Variants in LAMA2 observed in about 807,000 individuals in gnomAD.
LAMA2 encodes laminin subunit alpha 2, also known as laminin subunit alpha-2.
In LAMA2, 269 loss-of-function variants were observed where a neutral mutation model predicts 364.8. The ratio of observed to expected loss-of-function variants is 0.74; its 90% CI spans 0.67 to 0.82. The LOEUF (loss-of-function observed/expected upper bound fraction) is 0.82. Ranked by LOEUF, LAMA2 falls within the 40% of genes least tolerant of loss-of-function variation. The pLI, the probability that LAMA2 is intolerant of heterozygous loss-of-function variation, is 0.00. For missense variants in LAMA2, 3,807 were observed against 3,873.2 expected, an observed-to-expected ratio of 0.98 and a Z score of 0.45; for synonymous variants, 1,379 against 1,370.6, an observed-to-expected ratio of 1.01 and a Z score of -0.14.
intron 12 of LAMA2, among the ~76,000 whole-genome samples, chr6:129,200,077 CAAAA>C (rs1476642534): frequency 2.8e-5 from 4 of 143,254 alleles, no homozygotes; most frequent in Admixed American, 2.8e-4. Flanking sequence ...AGACCCTCTC[CAAAA>C]ATATATATAT....
At chr6:129,177,618 C>A in intron 9 of LAMA2, 88 bp from the exon 10 acceptor site, 1 of 1,316,002 alleles carries the variant, frequency 7.6e-7, no homozygotes. Flanking sequence ...GTCAAAATAG[C>A]ATTTTAAAGG....
At chr6:129,028,668 G>C (rs954316352) in intron 1 of LAMA2, among the ~76,000 whole-genome samples, 1 of 151,814 alleles carries the variant, frequency 6.6e-6, no homozygotes, top group African/African-American at 2.4e-5. Context: ...GTGAGTGAAT[G>C]AATCTATATA....
At chr6:129,236,998 C>A (rs937211872) in intron 12 of LAMA2, among the ~76,000 whole-genome samples, 6 of 152,184 alleles carry the variant, frequency 3.9e-5, no homozygotes, top group African/African-American at 1.4e-4. Flanking sequence ...TAGTACTAGA[C>A]TGTGAAGGTT....
chr6:129,087,970 A>G (rs554802149), intron 3 of LAMA2, among the ~76,000 whole-genome samples: 2 of 143,870 alleles, frequency 1.4e-5, no homozygotes, highest in East Asian at 4.0e-4. Flanking sequence ...TCACGGGACA[A>G]TAGTGGAGGG....
chr6:129,251,040 T>TTCTCCC (rs1786158402), intron 13 of LAMA2, among the ~76,000 whole-genome samples: 1 of 61,668 alleles, frequency 1.6e-5, no homozygotes, highest in African/African-American at 7.0e-5. Context: ...GTCTCTCTCT[T>TTCTCCC]TCTCTCTCTC....
At chr6:129,099,499 C>G (rs1425713540) in intron 4 of LAMA2, among the ~76,000 whole-genome samples, 1 of 152,096 alleles carries the variant, frequency 6.6e-6, no homozygotes, top group African/African-American at 2.4e-5. Context: ...TGACCCACCT[C>G]CTTTCATGCT....
intron 41 of LAMA2, chr6:129,437,003 A>C (rs1342065688): frequency 1.3e-5 from 2 of 152,108 alleles, no homozygotes; most frequent in Admixed American, 1.3e-4. Flanking sequence ...TGTAACTGTG[A>C]CCAATTTCTT....
At chr6:128,994,238 C>T (rs549661158) in intron 1 of LAMA2, among the ~76,000 whole-genome samples, 2 of 152,264 alleles carry the variant, frequency 1.3e-5, no homozygotes, top group African/African-American at 4.8e-5. Flanking sequence ...TGGGGGTATA[C>T]ATTATTGCAT....
chr6:129,400,712 G>T (rs1456582978), intron 37 of LAMA2, among the ~76,000 whole-genome samples: 7 of 152,184 alleles, frequency 4.6e-5, no homozygotes, highest in Admixed American at 1.3e-4. Flanking sequence ...TCATGAAACA[G>T]TCCATTAGGT....
intron 37 of LAMA2, among the ~76,000 whole-genome samples, chr6:129,396,273 A>C (rs1213024050): frequency 6.6e-6 from 1 of 152,148 alleles, no homozygotes; most frequent in Non-Finnish European, 1.5e-5. Context: ...AGAATTTACA[A>C]CCTCCTGAAA....
At chr6:129,321,044 T>C (rs896683401) in intron 28 of LAMA2, among the ~76,000 whole-genome samples, 10 of 152,220 alleles carry the variant, frequency 6.6e-5, no homozygotes, top group Non-Finnish European at 1.5e-4. Flanking sequence ...ACAAAACTTG[T>C]ACACTAAATA....
chr6:129,363,303 CAG>C (rs1473405908), intron 32 of LAMA2, among the ~76,000 whole-genome samples: 1 of 152,052 alleles, frequency 6.6e-6, no homozygotes, highest in Non-Finnish European at 1.5e-5. Context: ...GACCCTGTCT[CAG>C]AAAAAAATAA....
intron 61 of LAMA2, among the ~76,000 whole-genome samples, chr6:129,506,030 T>A (rs1397330532): frequency 6.6e-6 from 1 of 152,080 alleles, no homozygotes; most frequent in Non-Finnish European, 1.5e-5. Context: ...ACAAAAAGGA[T>A]TGCATAAAGA....
chr6:129,009,343 T>C (rs902040898), intron 1 of LAMA2, among the ~76,000 whole-genome samples: 1 of 152,214 alleles, frequency 6.6e-6, no homozygotes, highest in African/African-American at 2.4e-5. Flanking sequence ...AAACTGAGTT[T>C]TATGACTGTT....
chr6:129,239,201 T>A (rs1356379010), intron 12 of LAMA2, among the ~76,000 whole-genome samples: 1 of 152,218 alleles, frequency 6.6e-6, no homozygotes, highest in Non-Finnish European at 1.5e-5. Context: ...TGATGGAGAC[T>A]TGACACAAAG....
chr6:129,265,051 T>G (rs545289125), intron 15 of LAMA2, among the ~76,000 whole-genome samples: 1 of 152,272 alleles, frequency 6.6e-6, no homozygotes, highest in East Asian at 1.9e-4. Flanking sequence ...GTGCTGATAG[T>G]AATGACCCAG....
chr6:129,216,851 T>C (rs1352999133), intron 12 of LAMA2, among the ~76,000 whole-genome samples: 2 of 152,152 alleles, frequency 1.3e-5, no homozygotes, highest in African/African-American at 2.4e-5. Flanking sequence ...GACCTTGTTT[T>C]AAAAATTAGA....
intron 2 of LAMA2, among the ~76,000 whole-genome samples, chr6:129,052,758 C>CT (rs998721643): frequency 4.7e-4 from 70 of 149,278 alleles, no homozygotes; most frequent in African/African-American, 1.1e-3. Flanking sequence ...TTTCATTGCT[C>CT]TTTTTTTTTT....
chr6:129,026,646 T>C (rs1253624466), intron 1 of LAMA2, among the ~76,000 whole-genome samples: 1 of 152,184 alleles, frequency 6.6e-6, no homozygotes, highest in African/African-American at 2.4e-5. Flanking sequence ...TTTTATTCTC[T>C]AGGTGTTTTC....
Sources: gnomAD v4.1 joint callset for allele counts (sites outside exome capture counted in the v4.1 genomes callset) on GRCh38, gnomAD v4.1.1 for gene constraint, MANE v1.5 for transcripts, NCBI Gene and HGNC (gene_info 2026-07-23, HGNC 2026-07-21) for gene names.